Variants in GATAD2B observed in about 807,000 individuals in gnomAD.
GATAD2B encodes GATA zinc finger domain containing 2B, also known as transcriptional repressor p66-beta.
A neutral mutation model predicts 64.3 loss-of-function variants in GATAD2B; 8 were observed. The observed-to-expected ratio is 0.12, with a 90% CI of 0.07 to 0.22. The LOEUF (loss-of-function observed/expected upper bound fraction) is 0.22. GATAD2B is among the 10% of genes least tolerant of loss of function. The pLI is 1.00. For synonymous variants in GATAD2B, 281 were observed against 271.3 expected (o/e 1.04, Z -0.35); for missense variants, 453 against 752.0 (o/e 0.60, Z 4.65).
intron 1 of GATAD2B, among the ~76,000 whole-genome samples, chr1:153,829,778 C>A (rs920241430): frequency 4.0e-5 from 6 of 151,470 alleles, no homozygotes; most frequent in African/African-American, 7.3e-5. Flanking sequence ...TAAAAAGATT[C>A]TTTTCCAGTT....
At chr1:153,903,167 G>A (rs1332286587) in intron 1 of GATAD2B, among the ~76,000 whole-genome samples, 11 of 151,666 alleles carry the variant, frequency 7.3e-5, no homozygotes, top group African/African-American at 1.7e-4. Flanking sequence ...GCAGTGAACC[G>A]AGATCGCTCC....
At position 153,816,537 on chromosome 1, in the gene GATAD2B, T is replaced by C. The variant is rs777832186; in HGVS notation, c.952A>G (p.Met318Val). The C allele has an allele frequency of 6.2e-7, 1 of 1,613,710 alleles. No individual in the cohort carries two copies. Among genetic ancestry groups the C allele is most frequent in the Non-Finnish European group, 8.5e-7 (1 of 1,179,664 alleles). ...CQRTTSSAIYMNLASHIQPGT... is the reference protein window; with the variant it reads ...CQRTTSSAIYVNLASHIQPGT... ...GGCTGGATATGAGAAGCAAGGTTCA[T>C]ATAGATGGCAGAGGATGTTGTACGC... is the stretch of plus-strand genomic sequence containing the variant. Residue 318 changes from methionine to valine, a missense_variant, in exon 7 of 11, where the codon ATG (methionine) becomes GTG (valine). Met to Val is a conservative substitution (Grantham distance 21, BLOSUM62 1). Coordinates refer to ENST00000368655, the MANE Select transcript of GATAD2B (RefSeq NM_020699.4). The surrounding 1 kb of genome is among the most constrained non-coding windows in gnomAD (Gnocchi z 4.9).
At chr1:153,922,129 G>A (rs1442525066) in intron 1 of GATAD2B, 2 of 152,030 alleles carry the variant, frequency 1.3e-5, no homozygotes, top group African/African-American at 2.4e-5. Context: ...AAATAAAGGG[G>A]TAAGGTTATG....
intron 2 of GATAD2B, among the ~76,000 whole-genome samples, chr1:153,824,412 A>G (rs931882855): frequency 2.0e-5 from 3 of 151,982 alleles, no homozygotes; most frequent in Non-Finnish European, 2.9e-5. Context: ...GGTGAATCAC[A>G]AGGTCAGCAG....
intron 1 of GATAD2B, among the ~76,000 whole-genome samples, chr1:153,922,529 G>T (rs1678485712): frequency 7.1e-6 from 1 of 141,282 alleles, no homozygotes; most frequent in Admixed American, 7.0e-5. Context: ...GGGGCGCGCC[G>T]TGCCGGGGTG....
intron 1 of GATAD2B, among the ~76,000 whole-genome samples, chr1:153,915,740 A>AT (rs968146043): frequency 4.1e-5 from 4 of 97,872 alleles, no homozygotes; most frequent in South Asian, 3.7e-4. Context: ...ACTTGTCTAT[A>AT]TAAAAAAAAA....
chr1:153,854,704 T>A (rs911170228), intron 1 of GATAD2B, among the ~76,000 whole-genome samples: 5 of 152,224 alleles, frequency 3.3e-5, no homozygotes, highest in African/African-American at 1.2e-4. Context: ...TTATAAAATA[T>A]GCTGGTCTGG....
intron 10 of GATAD2B, 100 bp from the exon 11 acceptor site, chr1:153,810,410 G>T (rs1244314839): frequency 4.9e-6 from 6 of 1,222,316 alleles, no homozygotes; most frequent in Non-Finnish European, 7.0e-6. Context: ...TGGAAAGGAA[G>T]CAGAATTTAC....
chr1:153,839,757 G>A (rs1675410460), intron 1 of GATAD2B, among the ~76,000 whole-genome samples: 1 of 152,068 alleles, frequency 6.6e-6, no homozygotes, highest in Non-Finnish European at 1.5e-5. Context: ...ATCACTTGAG[G>A]TTAGGAGTTT....
chr1:153,842,364 T>C (rs1204523990), intron 1 of GATAD2B, among the ~76,000 whole-genome samples: 1 of 152,202 alleles, frequency 6.6e-6, no homozygotes, highest in East Asian at 1.9e-4. Flanking sequence ...TTATGTATTT[T>C]AGATACTAGT....
chr1:153,834,172 T>G (rs1189103878), intron 1 of GATAD2B, among the ~76,000 whole-genome samples: 1 of 150,818 alleles, frequency 6.6e-6, no homozygotes, highest in African/African-American at 2.4e-5. Flanking sequence ...CCAGCTAATT[T>G]TTTGTATTTT....
At chr1:153,900,052 T>C (rs1177145179) in intron 1 of GATAD2B, among the ~76,000 whole-genome samples, 1 of 152,142 alleles carries the variant, frequency 6.6e-6, no homozygotes, top group African/African-American at 2.4e-5. Flanking sequence ...GGTATATCCA[T>C]ACAATGAAAT....
In GATAD2B at chr1:153,811,597, C is replaced by G. The variant is rs1674294869; in HGVS notation, c.1648+134G>C. 1.7e-5 allele frequency: 12 copies of G among 719,870 alleles called. No homozygotes were observed. The South Asian group carries it at 1.9e-4, about 11-fold the overall frequency. The allele number at this position is 719,870 out of a possible 1,614,324, so 44.6% of individuals were successfully genotyped here. A position where few individuals can be genotyped will look rare whatever the true frequency, so the allele number is the denominator to read the frequency against. ...AATTTAGCAAACATTTGCTGAGTAA[C>G]AGAAGAGTGAGAGTGTATGCCCTAA... On this transcript the variant is annotated intron_variant, in intron 10 of 10. Transcript: ENST00000368655.
intron 1 of GATAD2B, among the ~76,000 whole-genome samples, chr1:153,904,136 C>A (rs1298262934): frequency 6.6e-6 from 1 of 151,960 alleles, no homozygotes; most frequent in South Asian, 2.1e-4. Flanking sequence ...AAATATTAGC[C>A]GGGCGTGGTG....
At chr1:153,916,018 G>A (rs971470718) in intron 1 of GATAD2B, among the ~76,000 whole-genome samples, 2 of 152,196 alleles carry the variant, frequency 1.3e-5, no homozygotes, top group South Asian at 2.1e-4. Context: ...GGTGGCTCAC[G>A]CCTGTAATCC....
At chr1:153,898,088 C>G (rs917589922) in intron 1 of GATAD2B, among the ~76,000 whole-genome samples, 1 of 150,522 alleles carries the variant, frequency 6.6e-6, no homozygotes, top group African/African-American at 2.4e-5. Context: ...CCAATCGCTT[C>G]AGTCCAGGAG....
chr1:153,838,227 C>T (rs934720539), intron 1 of GATAD2B, among the ~76,000 whole-genome samples: 1 of 152,156 alleles, frequency 6.6e-6, no homozygotes, highest in Non-Finnish European at 1.5e-5. Context: ...TGTATCTGCA[C>T]ATCTATCCAT....
intron 1 of GATAD2B, among the ~76,000 whole-genome samples, chr1:153,904,385 A>C (rs1677865553): frequency 6.6e-6 from 1 of 152,056 alleles, no homozygotes; most frequent in Non-Finnish European, 1.5e-5. Context: ...ATGGGGTTTA[A>C]AACTAGGAAG....
chr1:153,888,211 C>A (rs1184963399), intron 1 of GATAD2B, among the ~76,000 whole-genome samples: 3 of 152,062 alleles, frequency 2.0e-5, no homozygotes, highest in Non-Finnish European at 2.9e-5. Context: ...AGGCCAATCT[C>A]TTCTGTAAGG....
Sources: allele counts gnomAD v4.1 joint callset (sites outside exome capture counted in the v4.1 genomes callset), GRCh38; gene constraint gnomAD v4.1.1; non-coding constraint Gnocchi (gnomAD v3.1); transcripts MANE v1.5; gene names NCBI Gene and HGNC (gene_info 2026-07-23, HGNC 2026-07-21).